The following RAP1GAP2 variants were observed in gnomAD, a reference collection of about 807,000 sequenced individuals.
RAP1GAP2 encodes the protein RAP1 GTPase activating protein 2, also known as rap1 GTPase-activating protein 2.
A neutral mutation model predicts 95.0 loss-of-function variants in RAP1GAP2; 27 were observed. The observed-to-expected ratio is 0.28, with a 90% CI of 0.21 to 0.39. The LOEUF (loss-of-function observed/expected upper bound fraction) is 0.39, where lower values mean the gene tolerates loss of function less well. RAP1GAP2 is among the 10% of genes least tolerant of loss of function. RAP1GAP2 has a pLI of 1.00. For missense variants in RAP1GAP2, 771 were observed against 970.0 expected (o/e 0.79, Z 2.72); for synonymous variants, 373 against 380.9 (o/e 0.98, Z 0.24).
chr17:2,954,827 C>T lies in RAP1GAP2; in HGVS notation c.166-2932C>T, dbSNP rs529376075. On this transcript the variant is annotated intron_variant, in intron 3 of 24. Coordinates refer to ENST00000254695, the MANE Select transcript of RAP1GAP2 (RefSeq NM_015085.5). ...TAGGCTGGTCTTGAACTCCTGACCT[C>T]GTGATCCGCCTGCCTCAGCCTCTCA... Among the ~76,000 whole-genome samples the T allele has an allele frequency of 2.0e-5, 3 of 152,084 alleles. No homozygotes were observed. In the East Asian group the frequency reaches 5.8e-4, roughly 30 times the overall value.
At chr17:2,792,875 C>T (rs964552774), upstream of RAP1GAP2, among the ~76,000 whole-genome samples, 2 of 152,234 alleles carry the variant, frequency 1.3e-5, no homozygotes, top group Non-Finnish European at 2.9e-5. Context: ...GCTCTGGGAA[C>T]ACTTGGTCCA....
intron 8 of RAP1GAP2, among the ~76,000 whole-genome samples, chr17:2,975,890 T>G (rs2045097068): frequency 1.3e-5 from 2 of 152,252 alleles, no homozygotes; most frequent in Admixed American, 6.5e-5. Flanking sequence ...GTTGTTTGTT[T>G]GCTTTTGAAT....
At chr17:2,995,154 C>T (rs932741923) in intron 12 of RAP1GAP2, among the ~76,000 whole-genome samples, 183 bp from the exon 13 acceptor site, 3 of 152,168 alleles carry the variant, frequency 2.0e-5, no homozygotes, top group African/African-American at 7.2e-5. Flanking sequence ...AGAGTGCCAG[C>T]GCTGATATAC....
intron 3 of RAP1GAP2, among the ~76,000 whole-genome samples, chr17:2,952,335 C>T (rs2043952183): frequency 6.6e-6 from 1 of 152,202 alleles, no homozygotes; most frequent in Non-Finnish European, 1.5e-5. Context: ...ACCCCTGTGC[C>T]TTATTTACTT....
rs1025676303 is a variant in RAP1GAP2 at position 2,871,617 on chromosome 17, C to T, written c.81-33667C>T. On this transcript the variant is annotated intron_variant, in intron 2 of 24. Coordinates refer to ENST00000254695, the MANE Select transcript of RAP1GAP2 (RefSeq NM_015085.5). This position sits in a 1 kb window ranked among gnomAD's most constrained non-coding sequence, Gnocchi z 5.0. ...GGTGCCAGCCACGGGGGTGCCAGCACGGCGTGTTGGGTGAGCACGTGGACC... is the reference window on the plus strand; with the variant it reads ...GGTGCCAGCCACGGGGGTGCCAGCATGGCGTGTTGGGTGAGCACGTGGACC... Among the ~76,000 whole-genome samples, 21 of 152,242 alleles carry T rather than the reference C, an allele frequency of 1.4e-4. No individual in the cohort carries two copies. Among genetic ancestry groups the T allele is most frequent in the Admixed American group, 1.1e-3 (17 of 15,284 alleles).
At chr17:2,843,688 C>T (rs750561229) in intron 2 of RAP1GAP2, among the ~76,000 whole-genome samples, 4 of 152,032 alleles carry the variant, frequency 2.6e-5, no homozygotes, top group Admixed American at 6.6e-5. Context: ...AGATGGTTTC[C>T]GTCCAGGTTC....
intron 3 of RAP1GAP2, among the ~76,000 whole-genome samples, chr17:2,920,706 G>T (rs989262289): frequency 1.3e-5 from 2 of 152,180 alleles, no homozygotes; most frequent in African/African-American, 4.8e-5. Context: ...GTCGAATATC[G>T]GCACATAATG....
chr17:3,031,018 AC>A lies in RAP1GAP2; in HGVS notation c.2184+24del. 1.3e-6 allele frequency: 2 copies of A among 1,576,106 alleles called. No individual in the cohort carries two copies. The highest frequency in any genetic ancestry group is 8.6e-7 in the Non-Finnish European group (1 of 1,156,260). ...GGTGCGGTAAGGATGCGCCTCCCAC[AC>A]CCCACACTCCACTTTCTGCAGAGGC... On this transcript the variant is annotated intron_variant, in intron 23 of 24. Coordinates refer to ENST00000254695, the MANE Select transcript of RAP1GAP2 (RefSeq NM_015085.5).
At chr17:2,895,002 C>G (rs1403046174) in intron 2 of RAP1GAP2, among the ~76,000 whole-genome samples, 1 of 152,190 alleles carries the variant, frequency 6.6e-6, no homozygotes, top group East Asian at 1.9e-4. Context: ...GAGGGTTCAG[C>G]ATGCGGCACC....
At chr17:2,932,352 C>G (rs2043182069) in intron 3 of RAP1GAP2, among the ~76,000 whole-genome samples, 2 of 152,016 alleles carry the variant, frequency 1.3e-5, no homozygotes, top group African/African-American at 4.8e-5. Flanking sequence ...TGGGGGACAA[C>G]TGCAGCCCCA....
chr17:2,762,012 G>A (rs1423838650), intron 1 of RAP1GAP2, among the ~76,000 whole-genome samples: 11 of 116,896 alleles, frequency 9.4e-5, no homozygotes, highest in Admixed American at 7.6e-4. Context: ...TTTTTGAGAC[G>A]GAGTCTTGCT....
intron 2 of RAP1GAP2, among the ~76,000 whole-genome samples, chr17:2,849,622 C>T (rs1328723896): frequency 1.3e-5 from 2 of 152,190 alleles, no homozygotes; most frequent in African/African-American, 4.8e-5. Flanking sequence ...GCCCCCTCAG[C>T]CTTTGGAGTT....
At chr17:2,805,768 G>C (rs113561955) in intron 2 of RAP1GAP2, among the ~76,000 whole-genome samples, 16 of 151,888 alleles carry the variant, frequency 1.1e-4, no homozygotes, top group Admixed American at 4.6e-4. Context: ...GTGTGTGTGT[G>C]TGTCTGTCTG....
chr17:2,910,123 GCA>G (rs2042323896), intron 3 of RAP1GAP2, among the ~76,000 whole-genome samples: 1 of 152,214 alleles, frequency 6.6e-6, no homozygotes, highest in Admixed American at 6.5e-5. Flanking sequence ...GCTCCTGCTT[GCA>G]GGCTGTCCGA....
intron 17 of RAP1GAP2, among the ~76,000 whole-genome samples, chr17:3,012,055 T>C (rs1396301931): frequency 6.6e-6 from 1 of 152,130 alleles, no homozygotes; most frequent in Non-Finnish European, 1.5e-5. Context: ...TTGATCTTTC[T>C]CCTGAGCAGC....
intron 1 of RAP1GAP2, among the ~76,000 whole-genome samples, chr17:2,779,710 A>G (rs1302481054): frequency 1.4e-5 from 2 of 139,274 alleles, no homozygotes; most frequent in Non-Finnish European, 3.0e-5. Context: ...GGGAGGGTGG[A>G]TGCTGGCATT....
upstream of RAP1GAP2, among the ~76,000 whole-genome samples, chr17:2,776,145 C>G (rs927939093): frequency 1.3e-5 from 2 of 151,784 alleles, no homozygotes; most frequent in Admixed American, 1.3e-4. Context: ...CGCCACTGCA[C>G]TCCAGCCTGG....
At position 2,817,524 on chromosome 17, in the gene RAP1GAP2, G is replaced by GT. The variant is rs1491351314; in HGVS notation, c.80+16988dup. On this transcript the variant is annotated intron_variant, in intron 2 of 24. Coordinates refer to ENST00000254695, the MANE Select transcript of RAP1GAP2 (RefSeq NM_015085.5). ...TGATCGTATGGCAATTCTATGTATAGTTTTTTTTTTTTTTGAGGCAGGGTT... is the reference window on the plus strand; with the variant it reads ...TGATCGTATGGCAATTCTATGTATAGTTTTTTTTTTTTTTTGAGGCAGGGTT... Among the ~76,000 whole-genome samples, 14 of 113,874 alleles carry GT rather than the reference G, an allele frequency of 1.2e-4. 1 individual carries two copies. The highest frequency in any genetic ancestry group is 2.1e-4 in the Non-Finnish European group (10 of 47,822). The allele number at this position is 113,874 out of a possible 152,430, so 74.7% of individuals were successfully genotyped here.
Position 2,963,222 on chromosome 17 carries a change from T to C in RAP1GAP2, c.247-208T>C. ...CACCTTCGGACACTGCATCATCAGC[T>C]GGCAGGGTTTATGTTTGGGTTCTGT... On this transcript the variant is annotated intron_variant, in intron 5 of 24. Transcript: ENST00000254695. This position sits in a 1 kb window ranked among gnomAD's most constrained non-coding sequence, Gnocchi z 4.8. 2 of 637,166 alleles carry C rather than the reference T, an allele frequency of 3.1e-6. No individual in the cohort carries two copies. Among genetic ancestry groups the C allele is most frequent in the Non-Finnish European group, 5.6e-6 (2 of 354,722 alleles). The allele number at this position is 637,166 out of a possible 1,614,324, so 39.5% of individuals were successfully genotyped here. A position where few individuals can be genotyped will look rare whatever the true frequency, so the allele number is the denominator to read the frequency against.
Sources: allele counts gnomAD v4.1 joint callset (sites outside exome capture counted in the v4.1 genomes callset), GRCh38; gene constraint gnomAD v4.1.1; non-coding constraint Gnocchi (gnomAD v3.1); transcripts MANE v1.5; gene names NCBI Gene and HGNC (gene_info 2026-07-23, HGNC 2026-07-21).